Variants in CSNK1G1 observed in about 807,000 individuals in gnomAD.
The protein encoded by CSNK1G1 is casein kinase I isoform gamma-1.
In CSNK1G1, 22 loss-of-function variants were observed where a neutral mutation model predicts 59.6. That is an observed-to-expected ratio of 0.37 (90% CI 0.26 to 0.53). The LOEUF is 0.53. Among genes scored for constraint, CSNK1G1 ranks in the 20% least tolerant of loss-of-function variants. The probability of loss-of-function intolerance (pLI) is 0.89; values close to 1 mark genes in which losing one functional copy is unlikely to be tolerated. For synonymous variants in CSNK1G1, 179 were observed against 177.1 expected, an observed-to-expected ratio of 1.01 and a Z score of -0.08; for missense variants, 384 against 519.5, an observed-to-expected ratio of 0.74 and a Z score of 2.54.
At chr15:64,206,018 T>C (rs919374023) in intron 7 of CSNK1G1, among the ~76,000 whole-genome samples, 1 of 152,138 alleles carries the variant, frequency 6.6e-6, no homozygotes, top group African/African-American at 2.4e-5. Context: ...CCAAAAAATA[T>C]GTCTTGGGCC....
intron 10 of CSNK1G1, chr15:64,189,432 T>C (rs1043901767): frequency 2.3e-6 from 3 of 1,292,356 alleles, no homozygotes; most frequent in Non-Finnish European, 3.0e-6. Flanking sequence ...CTGTGCCAGA[T>C]GGCTGAGTTG....
intron 2 of CSNK1G1, among the ~76,000 whole-genome samples, chr15:64,293,618 T>A (rs1338533069): frequency 6.6e-6 from 1 of 152,188 alleles, no homozygotes; most frequent in Admixed American, 6.5e-5. Flanking sequence ...AAACCAACTT[T>A]AAATACAAGG....
In CSNK1G1 at chr15:64,178,485, T is replaced by TTC. The variant is rs1555497923; in HGVS notation, c.1214+1862_1214+1863insGA. 3.1e-3 allele frequency among the ~76,000 whole-genome samples: 455 copies of TTC among 145,666 alleles called. 3 individuals are homozygous for TTC. Among genetic ancestry groups the TTC allele is most frequent in the African/African-American group, 0.011 (438 of 39,976 alleles). On this transcript the variant is annotated intron_variant, in intron 11 of 11. Transcript: ENST00000303052. ...TGGTTTTCCAAGCAAAAATTTTCTT[T>TTC]TTTTTTTTTTTTTTTGAGATGGAGT... is the stretch of plus-strand genomic sequence containing the variant.
chr15:64,289,328 C>T (rs762371166), intron 2 of CSNK1G1, among the ~76,000 whole-genome samples: 36 of 152,240 alleles, frequency 2.4e-4, no homozygotes, highest in Non-Finnish European at 1.3e-4. Flanking sequence ...TAATGCAATG[C>T]AGACTGTGTG....
chr15:64,282,822 T>C (rs1303033643), intron 2 of CSNK1G1, among the ~76,000 whole-genome samples: 1 of 152,174 alleles, frequency 6.6e-6, no homozygotes, highest in Admixed American at 6.5e-5. Flanking sequence ...TAGCCAACAA[T>C]TGTTATCTGA....
intron 2 of CSNK1G1, among the ~76,000 whole-genome samples, chr15:64,288,374 A>G (rs529704138): frequency 3.3e-5 from 5 of 152,278 alleles, no homozygotes; most frequent in Middle Eastern, 3.4e-3. Flanking sequence ...AATCAATAAC[A>G]ACATCTAATA....
chr15:64,172,219 T>C (rs539813130), intron 11 of CSNK1G1, among the ~76,000 whole-genome samples: 12 of 152,304 alleles, frequency 7.9e-5, no homozygotes, highest in South Asian at 6.2e-4. Flanking sequence ...ATCAAGATGG[T>C]GCAGGCTAGG....
In CSNK1G1 at chr15:64,239,271, A is replaced by C. The variant is rs115136830; in HGVS notation, c.292+12241T>G. On this transcript the variant is annotated intron_variant, in intron 4 of 11. Transcript: ENST00000303052. The stretch of plus-strand genomic sequence containing the variant: ...GAAAATATGACACCACCAAAGAAGC[A>C]TAACTCTTTAGTAATAGACCCCAAT... Among the ~76,000 whole-genome samples the C allele has an allele frequency of 1.6e-3, 248 of 152,368 alleles. 2 individuals carry two copies. Among genetic ancestry groups the C allele is most frequent in the African/African-American group, 5.7e-3 (239 of 41,590 alleles).
At chr15:64,196,834 C>A (rs117102975) in intron 10 of CSNK1G1, among the ~76,000 whole-genome samples, 2,221 of 151,956 alleles carry the variant, frequency 0.015, 20 homozygotes, top group Non-Finnish European at 0.023. Context: ...AGCAGACAAT[C>A]CAGCCCTACT....
At chr15:64,199,090 A>G (rs1018569740) in intron 10 of CSNK1G1, among the ~76,000 whole-genome samples, 1 of 151,564 alleles carries the variant, frequency 6.6e-6, no homozygotes, top group African/African-American at 2.4e-5. Context: ...AAATACGAAA[A>G]AAAAAAAAAA....
intron 6 of CSNK1G1, among the ~76,000 whole-genome samples, chr15:64,211,732 G>A (rs1311567678): frequency 6.6e-6 from 1 of 152,120 alleles, no homozygotes; most frequent in Non-Finnish European, 1.5e-5. Flanking sequence ...GAGGGAAGAA[G>A]GTTATTGGAT....
chr15:64,217,812 T>C (rs2082331651), intron 4 of CSNK1G1, among the ~76,000 whole-genome samples: 2 of 142,778 alleles, frequency 1.4e-5, no homozygotes, highest in African/African-American at 5.2e-5. Flanking sequence ...CGAGACTCCA[T>C]CTCAAAAAAA....
intron 1 of CSNK1G1, among the ~76,000 whole-genome samples, chr15:64,305,537 C>T (rs1453710485): frequency 6.6e-6 from 1 of 151,384 alleles, no homozygotes; most frequent in African/African-American, 2.4e-5. Context: ...GGCAACAAAA[C>T]GAGATCCTGT....
intron 1 of CSNK1G1, among the ~76,000 whole-genome samples, chr15:64,347,226 G>GA (rs1356680843): frequency 3.3e-5 from 5 of 152,114 alleles, no homozygotes; most frequent in African/African-American, 1.2e-4. Flanking sequence ...GCCACTTTGG[G>GA]AAACAGTTTG....
intron 4 of CSNK1G1, among the ~76,000 whole-genome samples, chr15:64,218,928 C>G (rs2082348804): frequency 6.8e-6 from 1 of 147,772 alleles, no homozygotes; most frequent in Admixed American, 6.8e-5. Context: ...CATCTCGACT[C>G]ACTGCAACCT....
chr15:64,317,064 T>G (rs572396998), intron 1 of CSNK1G1: 1 of 152,302 alleles, frequency 6.6e-6, no homozygotes, highest in Admixed American at 6.5e-5. Flanking sequence ...TTATTGCTGC[T>G]ATTATCATGT....
chr15:64,248,940 G>C (rs1327164817), intron 4 of CSNK1G1, among the ~76,000 whole-genome samples: 1 of 152,108 alleles, frequency 6.6e-6, no homozygotes, highest in Non-Finnish European at 1.5e-5. Flanking sequence ...CTAACATGGT[G>C]AAACCCCGTC....
At chr15:64,228,650 A>T (rs1432747433) in intron 4 of CSNK1G1, among the ~76,000 whole-genome samples, 1 of 152,166 alleles carries the variant, frequency 6.6e-6, no homozygotes, top group African/African-American at 2.4e-5. Context: ...AAGAAAAGAA[A>T]AAGAAAAAGT....
chr15:64,346,245 T>TA (rs142532053), intron 1 of CSNK1G1, among the ~76,000 whole-genome samples: 315 of 134,534 alleles, frequency 2.3e-3, no homozygotes, highest in Admixed American at 5.2e-3. Flanking sequence ...AAAAATAAAT[T>TA]AAAAAAAAAA....
Sources: allele counts gnomAD v4.1 joint callset (sites outside exome capture counted in the v4.1 genomes callset), GRCh38; gene constraint gnomAD v4.1.1; transcripts MANE v1.5; gene names NCBI Gene and HGNC (gene_info 2026-07-23, HGNC 2026-07-21).